Variants in KIAA1328 observed in about 807,000 individuals in gnomAD.
KIAA1328 encodes the protein protein hinderin.
Under a neutral mutation model 68.1 loss-of-function variants are expected in KIAA1328, and 52 were observed. The observed-to-expected ratio is 0.76, with a 90% CI of 0.61 to 0.96. The LOEUF is 0.96. Among genes scored for constraint, KIAA1328 ranks in the 40% least tolerant of loss-of-function variants. KIAA1328 has a pLI of 0.00. For synonymous variants in KIAA1328, 232 were observed against 239.4 expected (o/e 0.97, Z 0.28); for missense variants, 641 against 677.6 (o/e 0.95, Z 0.60).
At chr18:37,200,899 A>G (rs1389382757) in intron 9 of KIAA1328, among the ~76,000 whole-genome samples, 1 of 151,568 alleles carries the variant, frequency 6.6e-6, no homozygotes, top group Non-Finnish European at 1.5e-5. Flanking sequence ...CCCAACCCAC[A>G]GTTCCCCCTT....
At chr18:37,032,068 T>C (rs1037270822) in intron 6 of KIAA1328, among the ~76,000 whole-genome samples, 3 of 152,104 alleles carry the variant, frequency 2.0e-5, no homozygotes, top group Non-Finnish European at 4.4e-5. Flanking sequence ...TAGTCCCAGC[T>C]ACTGAGGAGG....
chr18:37,066,198 A>G (rs1451148903), intron 6 of KIAA1328, among the ~76,000 whole-genome samples: 1 of 152,144 alleles, frequency 6.6e-6, no homozygotes, highest in Non-Finnish European at 1.5e-5. Flanking sequence ...GGAAAATCTG[A>G]CTCTATTGAC....
intron 9 of KIAA1328, among the ~76,000 whole-genome samples, chr18:37,179,736 G>A (rs1369034884): frequency 6.6e-6 from 1 of 152,072 alleles, no homozygotes; most frequent in African/African-American, 2.4e-5. Context: ...GTTATCTTAA[G>A]TAACTTAACA....
rs929435554 is a variant in KIAA1328, at chr18:36,865,370, T to C, written c.333-20187T>C. 3.9e-5 allele frequency among the ~76,000 whole-genome samples: 6 copies of C among 152,196 alleles called. No homozygotes were observed. In the East Asian group the frequency reaches 1.2e-3, roughly 29 times the overall value. ...TCCAATCATACGGAGATTTTTCTCG[T>C]CTTTCTATTACTGATTTCTAGCTTA... On this transcript the variant is annotated intron_variant, in intron 4 of 9. Coordinates refer to ENST00000280020, the MANE Select transcript of KIAA1328 (RefSeq NM_020776.3).
Position 37,014,389 on chromosome 18 carries a change from A to G in KIAA1328, c.577-52501A>G, listed in dbSNP as rs140589242. On this transcript the variant is annotated intron_variant, in intron 6 of 9. Transcript: ENST00000280020. ...GTTTTTGTTGAAATTGCTTCTGAGA[A>G]CCTAGTTATAAATGCTTTCCCAAGG... Among the ~76,000 whole-genome samples, 462 of 152,216 alleles carry G rather than the reference A, an allele frequency of 3.0e-3. 3 individuals are homozygous for G. The highest frequency in any genetic ancestry group is 0.02 in the Middle Eastern group (6 of 294).
At chr18:36,831,670 A>G (rs1007995907) in intron 1 of KIAA1328, among the ~76,000 whole-genome samples, 15 of 152,222 alleles carry the variant, frequency 9.9e-5, no homozygotes, top group Admixed American at 9.8e-4. Context: ...TTTCAAATGG[A>G]AACAAAGACT....
intron 7 of KIAA1328, among the ~76,000 whole-genome samples, chr18:37,080,134 T>G (rs1241843191): frequency 1.3e-5 from 2 of 152,200 alleles, no homozygotes; most frequent in Non-Finnish European, 2.9e-5. Context: ...TGTTACTTTT[T>G]TTAACTTCTA....
intron 7 of KIAA1328, among the ~76,000 whole-genome samples, chr18:37,097,426 G>A (rs1568400031): frequency 1.3e-5 from 2 of 152,152 alleles, no homozygotes; most frequent in African/African-American, 4.8e-5. Context: ...CTGTTCCATT[G>A]ATCTATATCT....
intron 9 of KIAA1328, among the ~76,000 whole-genome samples, chr18:37,179,109 G>A (rs917456145): frequency 2.0e-5 from 3 of 152,084 alleles, no homozygotes; most frequent in Non-Finnish European, 4.4e-5. Flanking sequence ...TTTGTTGCCT[G>A]TGCTTTTGAG....
chr18:37,134,610 G>A (rs1364390130), intron 7 of KIAA1328, among the ~76,000 whole-genome samples: 2 of 151,956 alleles, frequency 1.3e-5, no homozygotes, highest in African/African-American at 4.8e-5. Flanking sequence ...TGTACCTCCT[G>A]GAAAATCTCA....
intron 4 of KIAA1328, among the ~76,000 whole-genome samples, chr18:36,863,501 T>A (rs1255478250): frequency 6.6e-6 from 1 of 152,188 alleles, no homozygotes; most frequent in Non-Finnish European, 1.5e-5. Flanking sequence ...GCTCTTCTAG[T>A]CCTGTGCCTT....
At chr18:36,875,238 A>G (rs1211659915) in intron 4 of KIAA1328, among the ~76,000 whole-genome samples, 1 of 152,180 alleles carries the variant, frequency 6.6e-6, no homozygotes, top group Non-Finnish European at 1.5e-5. Context: ...GGGAATAGCA[A>G]TGAATCTATA....
At chr18:36,884,645 T>A (rs946617763) in intron 4 of KIAA1328, among the ~76,000 whole-genome samples, 1 of 152,124 alleles carries the variant, frequency 6.6e-6, no homozygotes, top group African/African-American at 2.4e-5. Context: ...AAAGAAAAGG[T>A]TTAGATTCCC....
intron 6 of KIAA1328, among the ~76,000 whole-genome samples, chr18:36,982,089 TTA>T (rs981240137): frequency 8.3e-4 from 120 of 145,078 alleles, no homozygotes; most frequent in Admixed American, 7.1e-4. Context: ...TATATTTATA[TTA>T]TATTATATAT....
chr18:37,180,138 A>AAATTTAT (rs2059672450), intron 9 of KIAA1328, among the ~76,000 whole-genome samples: 1 of 151,926 alleles, frequency 6.6e-6, no homozygotes. Context: ...TATAATACTG[A>AAATTTAT]AATTTATAAT....
chr18:36,879,616 A>G (rs923104151), intron 4 of KIAA1328, among the ~76,000 whole-genome samples: 4 of 152,146 alleles, frequency 2.6e-5, no homozygotes, highest in Non-Finnish European at 5.9e-5. Flanking sequence ...AAGTCTGCTG[A>G]AGTTGCGCCC....
chr18:37,057,481 G>A (rs1410469790), intron 6 of KIAA1328, among the ~76,000 whole-genome samples: 1 of 150,070 alleles, frequency 6.7e-6, no homozygotes, highest in African/African-American at 2.5e-5. Context: ...AGGTTGGAGT[G>A]CGGTGGCGCG....
intron 5 of KIAA1328, among the ~76,000 whole-genome samples, chr18:36,942,796 G>A (rs1473080742): frequency 6.6e-6 from 1 of 152,010 alleles, no homozygotes; most frequent in Non-Finnish European, 1.5e-5. Flanking sequence ...TGTATACTGG[G>A]GAGCGAATGT....
At chr18:36,862,870 A>G (rs1042422255) in intron 4 of KIAA1328, among the ~76,000 whole-genome samples, 12 of 152,166 alleles carry the variant, frequency 7.9e-5, no homozygotes, top group African/African-American at 2.9e-4. Context: ...GTGCTTAGGG[A>G]TATCCCATCT....
Sources: gnomAD v4.1 joint callset for allele counts (sites outside exome capture counted in the v4.1 genomes callset) on GRCh38, gnomAD v4.1.1 for gene constraint, MANE v1.5 for transcripts, NCBI Gene and HGNC (gene_info 2026-07-23, HGNC 2026-07-21) for gene names.